NXPE2: variants seen among roughly 807,000 people sequenced by gnomAD.
NXPE2 encodes the protein NXPE family member 2.
A neutral mutation model predicts 34.4 loss-of-function variants in NXPE2; 34 were observed. The observed-to-expected ratio is 0.99, with a 90% CI of 0.75 to 1.31. The LOEUF (loss-of-function observed/expected upper bound fraction) is 1.31, where lower values mean the gene tolerates loss of function less well. Ranked by LOEUF, NXPE2 falls within the 40% of genes most tolerant of loss-of-function variation. The pLI, the probability that NXPE2 is intolerant of heterozygous loss-of-function variation, is 0.00. For synonymous variants in NXPE2, 235 were observed against 231.3 expected, an observed-to-expected ratio of 1.02 and a Z score of -0.15; for missense variants, 649 against 672.5, an observed-to-expected ratio of 0.97 and a Z score of 0.39.
the NXPE2 span, among the ~76,000 whole-genome samples, chr11:114,475,236 T>TTG: frequency 1.9e-5 from 1 of 53,438 alleles, no homozygotes; most frequent in South Asian, 6.9e-4. Context: ...GTTTTTTTTT[T>TTG]TTTTTTTTTT....
At chr11:114,671,177 T>C in the NXPE2 span, among the ~76,000 whole-genome samples, 1 of 150,780 alleles carries the variant, frequency 6.6e-6, no homozygotes, top group African/African-American at 2.4e-5. Context: ...TACTTAACAG[T>C]AGATTTGAAC....
At chr11:114,499,883 G>A in the NXPE2 span, among the ~76,000 whole-genome samples, 4 of 151,480 alleles carry the variant, frequency 2.6e-5, no homozygotes, top group East Asian at 3.9e-4. Flanking sequence ...GCTCTTTTGT[G>A]TCTGGCTTCT....
At chr11:114,529,852 G>A in the NXPE2 span, 6 of 263,910 alleles carry the variant, frequency 2.3e-5, no homozygotes, top group Non-Finnish European at 4.3e-5. Context: ...AGATATTTAA[G>A]GGGCAAAATT....
At chr11:114,777,433 A>AT in the NXPE2 span, among the ~76,000 whole-genome samples, 5 of 152,196 alleles carry the variant, frequency 3.3e-5, no homozygotes, top group African/African-American at 1.2e-4. Flanking sequence ...GAATGAGGAG[A>AT]TAAAAACTGC....
At chr11:114,542,364 G>A in the NXPE2 span, among the ~76,000 whole-genome samples, 3 of 152,070 alleles carry the variant, frequency 2.0e-5, no homozygotes, top group Non-Finnish European at 2.9e-5. Context: ...TTCCCAGATC[G>A]TTCCTAAGGA....
At chr11:114,478,894 T>G in the NXPE2 span, among the ~76,000 whole-genome samples, 2 of 152,214 alleles carry the variant, frequency 1.3e-5, no homozygotes, top group African/African-American at 4.8e-5. Flanking sequence ...ACAGGCATGC[T>G]TCTGTTCCCT....
At chr11:114,695,830 AACACACACAC>A (rs67132329) in intron 2 of NXPE2, among the ~76,000 whole-genome samples, 7 of 132,632 alleles carry the variant, frequency 5.3e-5, no homozygotes, top group Non-Finnish European at 9.6e-5. Context: ...GTCTCTACTA[AACACACACAC>A]ACACACACAC....
chr11:114,571,684 A>G, the NXPE2 span, among the ~76,000 whole-genome samples: 1 of 152,252 alleles, frequency 6.6e-6, no homozygotes, highest in Admixed American at 6.5e-5. Context: ...GATAGGAGGC[A>G]GGACTAGCTT....
the NXPE2 span, among the ~76,000 whole-genome samples, chr11:114,531,409 T>G: frequency 2.0e-5 from 3 of 152,200 alleles, no homozygotes; most frequent in East Asian, 5.8e-4. Context: ...TCCTGGATTA[T>G]AGTGGCCACC....
At chr11:114,807,927 G>C in the NXPE2 span, among the ~76,000 whole-genome samples, 1 of 152,144 alleles carries the variant, frequency 6.6e-6, no homozygotes, top group Non-Finnish European at 1.5e-5. Context: ...CTCCAAAATT[G>C]ACCACATAGT....
chr11:114,481,352 A>G, the NXPE2 span, among the ~76,000 whole-genome samples: 1 of 152,192 alleles, frequency 6.6e-6, no homozygotes, highest in African/African-American at 2.4e-5. Context: ...AGATTTTGGT[A>G]AGGTTTTAAA....
chr11:114,553,434 C>T, the NXPE2 span, among the ~76,000 whole-genome samples: 3 of 152,204 alleles, frequency 2.0e-5, no homozygotes, highest in Admixed American at 6.5e-5. Flanking sequence ...TCCACTGATG[C>T]ACTACCAACT....
At chr11:114,469,571 C>A in the NXPE2 span, among the ~76,000 whole-genome samples, 1 of 150,852 alleles carries the variant, frequency 6.6e-6, no homozygotes, top group East Asian at 2.0e-4. Context: ...ATCACTGCAA[C>A]CTCCGCCTCC....
chr11:114,729,115 A>G, the NXPE2 span, among the ~76,000 whole-genome samples: 1 of 151,852 alleles, frequency 6.6e-6, no homozygotes, highest in African/African-American at 2.4e-5. Flanking sequence ...TGCCATTTTT[A>G]TGTCCATGAG....
At chr11:114,621,262 C>G in the NXPE2 span, among the ~76,000 whole-genome samples, 1 of 152,078 alleles carries the variant, frequency 6.6e-6, no homozygotes, top group African/African-American at 2.4e-5. Flanking sequence ...TACGTGTTGC[C>G]TCATGGGTAA....
the NXPE2 span, among the ~76,000 whole-genome samples, chr11:114,764,866 C>A: frequency 7.2e-5 from 11 of 152,180 alleles, no homozygotes; most frequent in African/African-American, 2.4e-4. Flanking sequence ...TCTTTGTGAA[C>A]ATCTAATGTA....
the NXPE2 span, among the ~76,000 whole-genome samples, chr11:114,653,648 CT>C: frequency 6.6e-6 from 1 of 151,170 alleles, no homozygotes; most frequent in African/African-American, 2.4e-5. Flanking sequence ...CTGCCTTAGC[CT>C]CCCGAGTAGC....
At chr11:114,520,936 A>G in the NXPE2 span, among the ~76,000 whole-genome samples, 1 of 152,242 alleles carries the variant, frequency 6.6e-6, no homozygotes, top group Non-Finnish European at 1.5e-5. Context: ...AATAAAGCTA[A>G]GTTTGAGCAG....
At chr11:114,628,789 A>G in the NXPE2 span, among the ~76,000 whole-genome samples, 3 of 151,946 alleles carry the variant, frequency 2.0e-5, no homozygotes, top group Non-Finnish European at 4.4e-5. Flanking sequence ...ACTAATAATG[A>G]AAAAAAGAGA....
Sources: allele counts gnomAD v4.1 joint callset (sites outside exome capture counted in the v4.1 genomes callset), GRCh38; gene constraint gnomAD v4.1.1; transcripts MANE v1.5; gene names NCBI Gene and HGNC (gene_info 2026-07-23, HGNC 2026-07-21).